ABCD2: variants seen among roughly 807,000 people sequenced by gnomAD.
The protein encoded by ABCD2 is ATP-binding cassette sub-family D member 2.
Under a neutral mutation model 70.9 loss-of-function variants are expected in ABCD2, and 36 were observed. That is an observed-to-expected ratio of 0.51 (90% CI 0.39 to 0.67). The LOEUF is 0.67. Among genes scored for constraint, ABCD2 ranks in the 30% least tolerant of loss-of-function variants. ABCD2 has a pLI of 0.00. For synonymous variants in ABCD2, 304 were observed against 306.9 expected, an observed-to-expected ratio of 0.99 and a Z score of 0.10; for missense variants, 729 against 890.2, an observed-to-expected ratio of 0.82 and a Z score of 2.30.
At chr12:39,609,413 G>A (rs534005372) in intron 2 of ABCD2, among the ~76,000 whole-genome samples, 2 of 152,264 alleles carry the variant, frequency 1.3e-5, no homozygotes, top group African/African-American at 2.4e-5. Context: ...GGTGAAAACC[G>A]AATAAAGCGT....
At chr12:39,549,949 T>C (rs1651340980), downstream of ABCD2, 1 of 151,836 alleles carries the variant, frequency 6.6e-6, no homozygotes, top group South Asian at 2.1e-4. Context: ...GCCTACTTGG[T>C]AAGTACTAAT....
intron 2 of ABCD2, among the ~76,000 whole-genome samples, chr12:39,614,871 G>GT (rs1942094969): frequency 5.3e-5 from 8 of 151,900 alleles, no homozygotes; most frequent in Admixed American, 5.2e-4. Flanking sequence ...TCAATTAATA[G>GT]TCTGTCATAT....
chr12:39,611,558 A>C (rs958646570), intron 2 of ABCD2, among the ~76,000 whole-genome samples: 2 of 152,160 alleles, frequency 1.3e-5, no homozygotes, highest in African/African-American at 4.8e-5. Context: ...ATCCATTCTA[A>C]GTGACTGAAG....
At chr12:39,582,943 T>C (rs1941616560) in intron 7 of ABCD2, among the ~76,000 whole-genome samples, 1 of 152,004 alleles carries the variant, frequency 6.6e-6, no homozygotes, top group African/African-American at 2.4e-5. Context: ...CACTCCAACC[T>C]TGACTTTGCG....
chr12:39,566,237 C>T (rs541190418), intron 9 of ABCD2, among the ~76,000 whole-genome samples: 35 of 152,276 alleles, frequency 2.3e-4, no homozygotes, highest in African/African-American at 7.2e-4. Flanking sequence ...TGGTAGAATT[C>T]GGCTGTGAAT....
intron 8 of ABCD2, among the ~76,000 whole-genome samples, chr12:39,579,306 G>A (rs890264721): frequency 1.8e-4 from 27 of 152,318 alleles, no homozygotes; most frequent in African/African-American, 6.5e-4. Context: ...AGGTTGCAGT[G>A]AGCCAAGATC....
At chr12:39,564,895 C>T (rs1941319894) in intron 9 of ABCD2, among the ~76,000 whole-genome samples, 2 of 152,044 alleles carry the variant, frequency 1.3e-5, no homozygotes. Flanking sequence ...GAATCCTTTC[C>T]CCATTGCTTG....
intron 2 of ABCD2, among the ~76,000 whole-genome samples, chr12:39,611,114 T>C (rs1355023673): frequency 6.6e-6 from 1 of 152,204 alleles, no homozygotes; most frequent in Non-Finnish European, 1.5e-5. Flanking sequence ...TGGTCACATG[T>C]CTTGTTATTT....
chr12:39,535,717 C>T, the ABCD2 span, among the ~76,000 whole-genome samples: 1 of 152,142 alleles, frequency 6.6e-6, no homozygotes. Flanking sequence ...CTTATTCATT[C>T]TAAAATATAC....
chr12:39,594,426 A>G (rs75820002), intron 6 of ABCD2, among the ~76,000 whole-genome samples: 6,476 of 152,252 alleles, frequency 0.043, 497 homozygotes, highest in African/African-American at 0.15. Flanking sequence ...TACCCTAGAG[A>G]TGCTCAATCC....
chr12:39,595,468 G>A (rs1394266110), intron 6 of ABCD2, among the ~76,000 whole-genome samples: 6 of 152,096 alleles, frequency 3.9e-5, no homozygotes, highest in Non-Finnish European at 8.8e-5. Context: ...TGCATAACAA[G>A]ATAGAAATAA....
chr12:39,616,040 G>A (rs543321361), intron 2 of ABCD2, among the ~76,000 whole-genome samples: 126 of 152,026 alleles, frequency 8.3e-4, no homozygotes, highest in Non-Finnish European at 1.7e-3. Context: ...AGGAAACTAA[G>A]GTATAGAGAG....
chr12:39,595,178 A>G (rs930360300), intron 6 of ABCD2, among the ~76,000 whole-genome samples: 1 of 152,216 alleles, frequency 6.6e-6, no homozygotes, highest in African/African-American at 2.4e-5. Flanking sequence ...GGAAAGTAAT[A>G]CAGACTGTGT....
At chr12:39,599,476 T>C (rs1941866322) in intron 6 of ABCD2, among the ~76,000 whole-genome samples, 1 of 152,184 alleles carries the variant, frequency 6.6e-6, no homozygotes, top group African/African-American at 2.4e-5. Flanking sequence ...AAAGGGACAA[T>C]GCTTTTGGTG....
Position 39,568,001 on chromosome 12 carries a change from A to T in ABCD2, c.2003+5715T>A, listed in dbSNP as rs1202166277. On this transcript the variant is annotated intron_variant, in intron 9 of 9. Coordinates refer to ENST00000308666, the MANE Select transcript of ABCD2 (RefSeq NM_005164.4). ...AGTTTCTGCTGATAGATCAGCTGTTAGTCTGATGGGCTTCCCTTTGTGGGT... is the reference window on the plus strand; with the variant it reads ...AGTTTCTGCTGATAGATCAGCTGTTTGTCTGATGGGCTTCCCTTTGTGGGT... 2.6e-5 allele frequency among the ~76,000 whole-genome samples: 4 copies of T among 151,886 alleles called. No homozygotes were observed. The East Asian group carries it at 7.7e-4, about 29-fold the overall frequency.
At chr12:39,581,854 G>A (rs1465218786) in intron 7 of ABCD2, among the ~76,000 whole-genome samples, 1 of 152,138 alleles carries the variant, frequency 6.6e-6, no homozygotes, top group Non-Finnish European at 1.5e-5. Context: ...CTCTGACCCT[G>A]ATTTAGTGAG....
At chr12:39,563,061 A>T (rs948975857) in intron 9 of ABCD2, among the ~76,000 whole-genome samples, 2 of 152,178 alleles carry the variant, frequency 1.3e-5, no homozygotes, top group African/African-American at 2.4e-5. Flanking sequence ...AAGGACAAAA[A>T]ATATGATTAT....
chr12:39,534,904 GA>G, the ABCD2 span, among the ~76,000 whole-genome samples: 1 of 73,014 alleles, frequency 1.4e-5, no homozygotes, highest in Non-Finnish European at 2.5e-5. Context: ...AAGAAAGAAA[GA>G]AAGAAAGAAA....
At chr12:39,568,647 C>G (rs1278304388) in intron 9 of ABCD2, among the ~76,000 whole-genome samples, 2 of 152,170 alleles carry the variant, frequency 1.3e-5, no homozygotes, top group African/African-American at 4.8e-5. Flanking sequence ...ATTTTCCATC[C>G]AGCTTTGTTC....
Sources: gnomAD v4.1 joint callset for allele counts (sites outside exome capture counted in the v4.1 genomes callset) on GRCh38, gnomAD v4.1.1 for gene constraint, MANE v1.5 for transcripts, NCBI Gene and HGNC (gene_info 2026-07-23, HGNC 2026-07-21) for gene names.